TUT7: variants seen among roughly 807,000 people sequenced by gnomAD.
TUT7 encodes terminal uridylyltransferase 7.
Under a neutral mutation model 165.9 loss-of-function variants are expected in TUT7, and 33 were observed. The ratio of observed to expected loss-of-function variants is 0.20; its 90% CI spans 0.15 to 0.27. The LOEUF (loss-of-function observed/expected upper bound fraction) is 0.27. Ranked by LOEUF, TUT7 falls within the 10% of genes least tolerant of loss-of-function variation. The probability of loss-of-function intolerance (pLI) is 1.00; values close to 1 mark genes in which losing one functional copy is unlikely to be tolerated. For missense variants in TUT7, 1,338 were observed against 1,762.3 expected (o/e 0.76, Z 4.31); for synonymous variants, 552 against 608.1 (o/e 0.91, Z 1.36).
At chr9:86,313,529 A>G (rs889091048) in intron 17 of TUT7, among the ~76,000 whole-genome samples, 15 of 152,286 alleles carry the variant, frequency 9.8e-5, no homozygotes, top group African/African-American at 3.6e-4. Flanking sequence ...CCCTCATCTT[A>G]CAGATGAGGA....
At chr9:86,314,415 T>G (rs1828520728) in intron 17 of TUT7, among the ~76,000 whole-genome samples, 1 of 152,240 alleles carries the variant, frequency 6.6e-6, no homozygotes, top group African/African-American at 2.4e-5. Context: ...ATTTTCATCT[T>G]CAATTCTGAC....
chr9:86,318,574 G>A (rs1351668932), intron 16 of TUT7, among the ~76,000 whole-genome samples: 1 of 152,158 alleles, frequency 6.6e-6, no homozygotes, highest in Non-Finnish European at 1.5e-5. Context: ...CAGGCCTCTG[G>A]ACTCTAAGGT....
At chr9:86,313,877 G>A (rs1361267835) in intron 17 of TUT7, among the ~76,000 whole-genome samples, 2 of 152,126 alleles carry the variant, frequency 1.3e-5, no homozygotes, top group African/African-American at 4.8e-5. Flanking sequence ...TCACATCATA[G>A]AACACAGGAG....
Position 86,353,249 on chromosome 9 carries a change from G to T in TUT7, c.-31-19C>A, listed in dbSNP as rs373592622. ...TTTGCACCTGAAAGAAGGTATTTTG[G>T]GGAAATATCAAACTATATAACAAGA... On this transcript the variant is annotated intron_variant, in intron 1 of 26. Coordinates refer to ENST00000375963, the MANE Select transcript of TUT7 (RefSeq NM_024617.4). 8 of 1,508,250 alleles carry T rather than the reference G, an allele frequency of 5.3e-6. No homozygotes were observed. In the East Asian group the frequency reaches 6.8e-5, roughly 13 times the overall value. 93.4% of individuals were successfully genotyped at this position (1,508,250 alleles called of 1,614,324 possible). A position where few individuals can be genotyped will look rare whatever the true frequency, so the allele number is the denominator to read the frequency against.
chr9:86,305,378 G>A (rs1827369571), intron 22 of TUT7, 139 bp from the exon 23 acceptor site: 2 of 604,298 alleles, frequency 3.3e-6, no homozygotes. Flanking sequence ...TCACATGATA[G>A]AAAAGAAGTG....
intron 5 of TUT7, 90 bp downstream of exon 5, chr9:86,344,887 A>T (rs1831624358): frequency 1.6e-6 from 2 of 1,246,538 alleles, no homozygotes; most frequent in Non-Finnish European, 2.2e-6. Context: ...CATGGTAAAT[A>T]AATTTTTATT....
At chr9:86,330,299 A>T (rs534198375) in intron 10 of TUT7, among the ~76,000 whole-genome samples, 1 of 152,088 alleles carries the variant, frequency 6.6e-6, no homozygotes, top group Non-Finnish European at 1.5e-5. Flanking sequence ...ACCTCAGGTG[A>T]TCCACCCACC....
rs1827743899 is a variant in TUT7 at position 86,308,613 on chromosome 9, A to G, written c.3661-7T>C. ...ATTCTGACCAATAGGTAGGCTAGAA[A>G]TAGAAGGGAACAAGGGATACCATGG... On this transcript the variant is annotated splice_region_variant and splice_polypyrimidine_tract_variant and intron_variant, in intron 21 of 26. Transcript: ENST00000375963. 6.2e-7 allele frequency: 1 copy of G among 1,608,512 alleles called. No homozygotes were observed. Among genetic ancestry groups the G allele is most frequent in the East Asian group, 2.2e-5 (1 of 44,764 alleles).
rs1282530459 is a variant in TUT7, at chr9:86,354,335, G to A, written c.-96C>T. On this transcript the variant is annotated 5_prime_UTR_variant, in exon 1 of 27. Coordinates refer to ENST00000375963, the MANE Select transcript of TUT7 (RefSeq NM_024617.4). ...AACCAACTGGAGAATCAGCCCGGAGGCGAGTCTGGCAGGGACGTTGGGAGA... is the reference window on the plus strand; with the variant it reads ...AACCAACTGGAGAATCAGCCCGGAGACGAGTCTGGCAGGGACGTTGGGAGA... 6.5e-6 allele frequency: 1 copy of A among 152,836 alleles called. No individual in the cohort carries two copies. The highest frequency in any genetic ancestry group is 2.4e-5 in the African/African-American group (1 of 41,468). 9.5% of individuals were successfully genotyped at this position (152,836 alleles called of 1,614,324 possible).
intron 3 of TUT7, 92 bp downstream of exon 3, chr9:86,346,207 T>C (rs1241592391): frequency 8.3e-7 from 1 of 1,199,124 alleles, no homozygotes; most frequent in Admixed American, 2.2e-5. Flanking sequence ...AAGTAGGATA[T>C]CTAATTGATC....
chr9:86,305,842 G>T (rs1354478171), intron 22 of TUT7, among the ~76,000 whole-genome samples: 1 of 152,008 alleles, frequency 6.6e-6, no homozygotes, highest in Non-Finnish European at 1.5e-5. Context: ...GCTTAATATA[G>T]ACTCTCATTT....
intron 9 of TUT7, 22 bp from the exon 10 acceptor site, chr9:86,337,560 G>A (rs1359959515): frequency 6.3e-7 from 1 of 1,584,536 alleles, no homozygotes; most frequent in Non-Finnish European, 8.5e-7. Flanking sequence ...AGAAAAGAAA[G>A]TTAAGCATTC....
chr9:86,319,708 CG>C (rs765629849), intron 14 of TUT7, 38 bp from the exon 15 acceptor site: 1 of 1,372,836 alleles, frequency 7.3e-7, no homozygotes, highest in Non-Finnish European at 1.0e-6. Context: ...CAAAATAAGC[CG>C]GTTGACACTC....
chr9:86,353,593 A>T lies in TUT7; in HGVS notation c.-31-363T>A, dbSNP rs1832486848. 2.0e-5 allele frequency among the ~76,000 whole-genome samples: 3 copies of T among 152,192 alleles called. No homozygotes were observed. In the South Asian group the frequency reaches 6.2e-4, roughly 31 times the overall value. On this transcript the variant is annotated intron_variant, in intron 1 of 26. Coordinates refer to ENST00000375963, the MANE Select transcript of TUT7 (RefSeq NM_024617.4). ...TTCTCTTCAAAGAAAACCTCATCCCAAGCCAATATTATTACTAAACTACCG... is the reference window on the plus strand; with the variant it reads ...TTCTCTTCAAAGAAAACCTCATCCCTAGCCAATATTATTACTAAACTACCG...
At chr9:86,334,782 TC>T (rs1830625932) in intron 10 of TUT7, among the ~76,000 whole-genome samples, 1 of 152,128 alleles carries the variant, frequency 6.6e-6, no homozygotes, top group South Asian at 2.1e-4. Context: ...TCCTTTCAGT[TC>T]CTCCTCTTGT....
chr9:86,314,154 A>G (rs1476789899), intron 17 of TUT7, among the ~76,000 whole-genome samples: 1 of 152,154 alleles, frequency 6.6e-6, no homozygotes, highest in African/African-American at 2.4e-5. Flanking sequence ...ATTTAAAATC[A>G]GAGTCTGATT....
At chr9:86,330,828 C>T (rs1423848987) in intron 10 of TUT7, among the ~76,000 whole-genome samples, 2 of 151,566 alleles carry the variant, frequency 1.3e-5, no homozygotes, top group Non-Finnish European at 2.9e-5. Flanking sequence ...GCCCTATGAA[C>T]ACTATTTTAG....
At chr9:86,298,840 G>A (rs1826606197) in intron 26 of TUT7, 1 of 982,010 alleles carries the variant, frequency 1.0e-6, no homozygotes, top group Non-Finnish European at 1.2e-6. Flanking sequence ...CCTAAAAAAT[G>A]AAATAGACTG....
At chr9:86,315,323 G>T (rs1484935616) in intron 17 of TUT7, among the ~76,000 whole-genome samples, 1 of 152,162 alleles carries the variant, frequency 6.6e-6, no homozygotes, top group Non-Finnish European at 1.5e-5. Flanking sequence ...ATCTAAAAAT[G>T]ATCTGTTTTT....
Sources: gnomAD v4.1 joint callset for allele counts (sites outside exome capture counted in the v4.1 genomes callset) on GRCh38, gnomAD v4.1.1 for gene constraint, MANE v1.5 for transcripts, NCBI Gene and HGNC (gene_info 2026-07-23, HGNC 2026-07-21) for gene names.